Variants in GGNBP2 observed in about 807,000 individuals in gnomAD.
GGNBP2 encodes gametogenetin binding protein 2.
Under a neutral mutation model 85.9 loss-of-function variants are expected in GGNBP2, and 10 were observed. The ratio of observed to expected loss-of-function variants is 0.12; its 90% CI spans 0.07 to 0.20. The LOEUF is 0.20. Among genes scored for constraint, GGNBP2 ranks in the 10% least tolerant of loss-of-function variants. GGNBP2 has a pLI of 1.00. For missense variants in GGNBP2, 595 were observed against 857.8 expected (o/e 0.69, Z 3.83); for synonymous variants, 287 against 285.7 (o/e 1.00, Z -0.05).
chr17:36,583,342 G>A (rs539511142), intron 9 of GGNBP2, among the ~76,000 whole-genome samples: 8 of 152,084 alleles, frequency 5.3e-5, no homozygotes, highest in East Asian at 3.9e-4. Flanking sequence ...GTGAGCCACC[G>A]CGCCTGACGG....
At chr17:36,575,648 A>ATTTTTTTT (rs71274856) in intron 6 of GGNBP2, among the ~76,000 whole-genome samples, 22 of 54,912 alleles carry the variant, frequency 4.0e-4, no homozygotes, top group South Asian at 1.7e-3. Context: ...ATATATATAT[A>ATTTTTTTT]TTTTTTTTTT....
chr17:36,573,476 G>C (rs1219851307), intron 6 of GGNBP2, among the ~76,000 whole-genome samples: 2 of 152,188 alleles, frequency 1.3e-5, no homozygotes, highest in Non-Finnish European at 2.9e-5. Context: ...GTCAATAAAT[G>C]CTGCAGTGAA....
chr17:36,577,084 A>G (rs186633422), intron 6 of GGNBP2: 6 of 152,328 alleles, frequency 3.9e-5, no homozygotes, highest in African/African-American at 1.4e-4. Context: ...TGGGAGATGA[A>G]TTTAAATCAA....
chr17:36,553,067 A>G (rs1391099077), intron 2 of GGNBP2, among the ~76,000 whole-genome samples: 3 of 151,524 alleles, frequency 2.0e-5, no homozygotes, highest in Non-Finnish European at 4.4e-5. Context: ...GCATGTCTCT[A>G]AACATGGTAT....
At chr17:36,557,380 A>T in intron 4 of GGNBP2, 44 bp downstream of exon 4, 1 of 1,535,096 alleles carries the variant, frequency 6.5e-7, no homozygotes, top group East Asian at 2.3e-5. Flanking sequence ...TTAAAATTTA[A>T]AACAGCTTGG....
intron 13 of GGNBP2, among the ~76,000 whole-genome samples, chr17:36,588,381 C>T (rs1021225070): frequency 6.6e-6 from 1 of 152,060 alleles, no homozygotes; most frequent in African/African-American, 2.4e-5. Context: ...CTTCAGCCTC[C>T]CGAGTAGCTG....
intron 6 of GGNBP2, among the ~76,000 whole-genome samples, chr17:36,574,005 C>T (rs2074551757): frequency 6.6e-6 from 1 of 150,570 alleles, no homozygotes; most frequent in South Asian, 2.1e-4. Context: ...TCTTTATATT[C>T]TGGCTATTAA....
At chr17:36,586,227 C>A in intron 12 of GGNBP2, 29 bp downstream of exon 12, 3 of 1,600,918 alleles carry the variant, frequency 1.9e-6, no homozygotes, top group Non-Finnish European at 2.5e-6. Context: ...AATTCTTAAA[C>A]CTTTGCTGTT....
At chr17:36,567,553 T>C in intron 5 of GGNBP2, 110 bp from the exon 6 acceptor site, 1 of 632,934 alleles carries the variant, frequency 1.6e-6, no homozygotes, top group Admixed American at 2.8e-5. Context: ...TATGGACGTT[T>C]CCAGGGAACA....
rs1278541797 is a variant in GGNBP2 at position 36,581,331 on chromosome 17, A to G, written c.1021-13A>G. ...CTGACCAATATTCACCCTCAACCTTATTTTTATAATAGATGACCGTGGAAA... is the reference window on the plus strand; with the variant it reads ...CTGACCAATATTCACCCTCAACCTTGTTTTTATAATAGATGACCGTGGAAA... On this transcript the variant is annotated splice_polypyrimidine_tract_variant and intron_variant, in intron 8 of 13. Coordinates refer to ENST00000613102, the MANE Select transcript of GGNBP2 (RefSeq NM_024835.5). 1 of 1,554,012 alleles carries G rather than the reference A, an allele frequency of 6.4e-7. No homozygotes were observed. The highest frequency in any genetic ancestry group is 2.0e-5 in the Admixed American group (1 of 49,308).
At chr17:36,575,161 C>T (rs1599535974) in intron 6 of GGNBP2, 2 of 670,120 alleles carry the variant, frequency 3.0e-6, no homozygotes, top group African/African-American at 3.5e-5. Context: ...TGATAGGCAT[C>T]CACTCTTTAT....
chr17:36,546,962 C>T (rs1365409788), intron 2 of GGNBP2: 1 of 152,086 alleles, frequency 6.6e-6, no homozygotes, highest in Non-Finnish European at 1.5e-5. Context: ...AGCTGCAGTA[C>T]TTTAAAAAGG....
At chr17:36,584,687 G>C (rs2074683215) in intron 9 of GGNBP2, among the ~76,000 whole-genome samples, 1 of 152,218 alleles carries the variant, frequency 6.6e-6, no homozygotes, top group Non-Finnish European at 1.5e-5. Flanking sequence ...GGAGGCTCAT[G>C]CCTGTAATCC....
chr17:36,545,330 T>A (rs1158970972), intron 1 of GGNBP2, among the ~76,000 whole-genome samples: 5 of 144,346 alleles, frequency 3.5e-5, no homozygotes, highest in African/African-American at 1.3e-4. Flanking sequence ...GGGCCGGGAC[T>A]CCTGCAGCGG....
chr17:36,586,271 T>C lies in GGNBP2; in HGVS notation c.1641+73T>C. Reference sequence around the variant, plus strand: ...AACACGTGTTTTCCTTGGAGTGGCATATGTGCAGCTTAGCTGCTAGGATTT... The same window carrying C: ...AACACGTGTTTTCCTTGGAGTGGCACATGTGCAGCTTAGCTGCTAGGATTT... On this transcript the variant is annotated intron_variant, in intron 12 of 13. Coordinates refer to ENST00000613102, the MANE Select transcript of GGNBP2 (RefSeq NM_024835.5). The C allele has an allele frequency of 7.8e-6, 12 of 1,535,964 alleles. No homozygotes were observed. In the South Asian group the frequency reaches 1.2e-4, roughly 16 times the overall value.
chr17:36,565,977 G>C (rs2074464510), intron 5 of GGNBP2, among the ~76,000 whole-genome samples: 2 of 152,190 alleles, frequency 1.3e-5, no homozygotes, highest in Admixed American at 6.5e-5. Flanking sequence ...CACAAATAAG[G>C]GGAGCTAAAC....
At chr17:36,567,877 C>A in intron 6 of GGNBP2, 101 bp downstream of exon 6, 1 of 596,306 alleles carries the variant, frequency 1.7e-6, no homozygotes, top group South Asian at 2.4e-5. Context: ...AGCATTCTAG[C>A]CTTCCCTTTA....
chr17:36,568,373 T>G (rs924962160), intron 6 of GGNBP2, among the ~76,000 whole-genome samples: 13 of 152,136 alleles, frequency 8.5e-5, no homozygotes, highest in African/African-American at 3.1e-4. Flanking sequence ...CTCGGATCAC[T>G]GTTCCCTCCG....
At chr17:36,586,484 T>C (rs896727803) in intron 12 of GGNBP2, 13 of 389,800 alleles carry the variant, frequency 3.3e-5, no homozygotes, top group Middle Eastern at 7.4e-4. Flanking sequence ...GTCCCTATCA[T>C]ATTAGGTTCT....
Sources: gnomAD v4.1 joint callset for allele counts (sites outside exome capture counted in the v4.1 genomes callset) on GRCh38, gnomAD v4.1.1 for gene constraint, MANE v1.5 for transcripts, NCBI Gene and HGNC (gene_info 2026-07-23, HGNC 2026-07-21) for gene names.